The following GALNT13 variants were observed in gnomAD, a reference collection of about 807,000 sequenced individuals.
GALNT13 encodes UDP-GalNAc:polypeptide N-acetylgalactosaminyltransferase 13.
Under a neutral mutation model 64.2 loss-of-function variants are expected in GALNT13, and 28 were observed. The ratio of observed to expected loss-of-function variants is 0.44; its 90% CI spans 0.32 to 0.60. GALNT13 has a LOEUF of 0.60. GALNT13 is among the 20% of genes least tolerant of loss of function. The pLI is 0.05. For missense variants in GALNT13, 577 were observed against 669.8 expected, an observed-to-expected ratio of 0.86 and a Z score of 1.53; for synonymous variants, 214 against 224.6, an observed-to-expected ratio of 0.95 and a Z score of 0.42.
chr2:153,931,587 T>TC lies in GALNT13; in HGVS notation c.-104-12806dup, dbSNP rs1491213046. 7.9e-5 allele frequency among the ~76,000 whole-genome samples: 12 copies of TC among 152,280 alleles called. 1 individual carries two copies. In the East Asian group the frequency reaches 2.3e-3, roughly 29 times the overall value. ...ATGTTGAATTTTATTGAAAACTTTT[T>TC]CTGTGTCTATCAAGATGATCATGTG... is the stretch of plus-strand genomic sequence containing the variant. On this transcript the variant is annotated intron_variant, in intron 2 of 12. Coordinates refer to ENST00000392825, the MANE Select transcript of GALNT13 (RefSeq NM_052917.4).
chr2:153,082,612 TATATATACACACAC>T, the GALNT13 span, among the ~76,000 whole-genome samples: 65 of 38,762 alleles, frequency 1.7e-3, no homozygotes, highest in Non-Finnish European at 2.3e-3. Context: ...TATATATATA[TATATATACACACAC>T]ACACACACAC....
the GALNT13 span, among the ~76,000 whole-genome samples, chr2:153,272,678 T>C: frequency 6.6e-6 from 1 of 152,144 alleles, no homozygotes; most frequent in Non-Finnish European, 1.5e-5. Context: ...GTGTAAATTA[T>C]TAGTTCAACC....
At chr2:153,124,142 A>G in the GALNT13 span, among the ~76,000 whole-genome samples, 2 of 152,218 alleles carry the variant, frequency 1.3e-5, no homozygotes, top group African/African-American at 4.8e-5. Flanking sequence ...TGAGGCCCTC[A>G]GTCCAACAAC....
chr2:154,234,621 A>G (rs555215438), intron 4 of GALNT13, among the ~76,000 whole-genome samples: 1 of 152,274 alleles, frequency 6.6e-6, no homozygotes, highest in East Asian at 1.9e-4. Context: ...ATTTTTGGTT[A>G]TAGAAAAAAT....
At chr2:153,576,226 G>A in the GALNT13 span, among the ~76,000 whole-genome samples, 1 of 152,072 alleles carries the variant, frequency 6.6e-6, no homozygotes, top group African/African-American at 2.4e-5. Context: ...TGGGATTAGG[G>A]GAAGAGTGAT....
At chr2:153,583,689 T>C in the GALNT13 span, among the ~76,000 whole-genome samples, 3 of 152,190 alleles carry the variant, frequency 2.0e-5, no homozygotes, top group African/African-American at 4.8e-5. Context: ...TTCCAGGGCA[T>C]GTCCTATGCC....
chr2:154,398,953 A>G (rs1699176677), intron 10 of GALNT13, among the ~76,000 whole-genome samples: 1 of 152,198 alleles, frequency 6.6e-6, no homozygotes, highest in Non-Finnish European at 1.5e-5. Context: ...AAGGAAACTG[A>G]CACACAGAAA....
At chr2:153,644,377 C>T in the GALNT13 span, among the ~76,000 whole-genome samples, 1 of 151,992 alleles carries the variant, frequency 6.6e-6, no homozygotes, top group Non-Finnish European at 1.5e-5. Flanking sequence ...GCCCTTTCAC[C>T]ATTCAATTTG....
chr2:153,740,221 A>G, the GALNT13 span, among the ~76,000 whole-genome samples: 1 of 151,946 alleles, frequency 6.6e-6, no homozygotes, highest in Non-Finnish European at 1.5e-5. Context: ...CTCTGATTAC[A>G]TCTACACTAT....
At chr2:153,639,599 T>C in the GALNT13 span, among the ~76,000 whole-genome samples, 2 of 151,872 alleles carry the variant, frequency 1.3e-5, no homozygotes, top group African/African-American at 4.8e-5. Flanking sequence ...GAGTCAAAGG[T>C]AGGATAATGT....
At chr2:153,334,011 G>A in the GALNT13 span, among the ~76,000 whole-genome samples, 1 of 151,978 alleles carries the variant, frequency 6.6e-6, no homozygotes, top group Non-Finnish European at 1.5e-5. Context: ...GACAGCTATT[G>A]GTTAGAAGAA....
At chr2:153,735,219 T>G in the GALNT13 span, among the ~76,000 whole-genome samples, 1 of 152,260 alleles carries the variant, frequency 6.6e-6, no homozygotes, top group South Asian at 2.1e-4. Context: ...TCAACTGAAT[T>G]TTTAAAGTAA....
chr2:154,448,005 C>A (rs892964238), intron 12 of GALNT13, among the ~76,000 whole-genome samples: 3 of 151,992 alleles, frequency 2.0e-5, no homozygotes, highest in Admixed American at 6.6e-5. Flanking sequence ...CTTAGCAGTT[C>A]TTACAGCCTT....
chr2:153,201,967 C>T, the GALNT13 span, among the ~76,000 whole-genome samples: 3 of 147,476 alleles, frequency 2.0e-5, no homozygotes, highest in African/African-American at 7.7e-5. Flanking sequence ...CTCTCTCCAC[C>T]CATTTCTTTT....
intron 8 of GALNT13, among the ~76,000 whole-genome samples, chr2:154,277,569 C>T (rs993825066): frequency 2.0e-5 from 3 of 151,984 alleles, no homozygotes; most frequent in East Asian, 1.9e-4. Context: ...TAAATAAGAC[C>T]GAACAATTTC....
chr2:154,409,098 T>C lies in GALNT13; in HGVS notation c.1395+16T>C. The C allele has an allele frequency of 6.8e-7, 1 of 1,477,272 alleles. No homozygotes were observed. Among genetic ancestry groups the C allele is most frequent in the Non-Finnish European group, 9.5e-7 (1 of 1,055,666 alleles). The allele number at this position is 1,477,272 out of a possible 1,614,324, so 91.5% of individuals were successfully genotyped here. A position where few individuals can be genotyped will look rare whatever the true frequency, so the allele number is the denominator to read the frequency against. On this transcript the variant is annotated intron_variant, in intron 11 of 12. Transcript: ENST00000392825. Reference sequence around the variant, plus strand: ...AGGAAATCAGGTAAACTCTCCCTTTTTATCAGCTTCATGTTTTAGAGGGAA... The same window carrying C: ...AGGAAATCAGGTAAACTCTCCCTTTCTATCAGCTTCATGTTTTAGAGGGAA...
chr2:154,225,205 G>A (rs1293033291), intron 4 of GALNT13, among the ~76,000 whole-genome samples: 1 of 146,346 alleles, frequency 6.8e-6, no homozygotes, highest in Non-Finnish European at 1.5e-5. Flanking sequence ...TACAGAGACT[G>A]AGAGACTGAG....
the GALNT13 span, among the ~76,000 whole-genome samples, chr2:153,714,904 G>T: frequency 1.2e-3 from 179 of 152,232 alleles, no homozygotes; most frequent in Middle Eastern, 6.8e-3. Flanking sequence ...TGAAATACCC[G>T]TGTTAGGGAA....
intron 2 of GALNT13, among the ~76,000 whole-genome samples, chr2:153,932,292 T>G (rs1231688799): frequency 6.6e-6 from 1 of 151,938 alleles, no homozygotes; most frequent in African/African-American, 2.4e-5. Context: ...TAATTTAGTT[T>G]AGCTCTGTTT....
Sources: allele counts gnomAD v4.1 joint callset (sites outside exome capture counted in the v4.1 genomes callset), GRCh38; gene constraint gnomAD v4.1.1; transcripts MANE v1.5; gene names NCBI Gene and HGNC (gene_info 2026-07-23, HGNC 2026-07-21).